Variants in SDK2 observed in about 807,000 individuals in gnomAD.
The protein encoded by SDK2 is protein sidekick-2.
In SDK2, 105 loss-of-function variants were observed where a neutral mutation model predicts 253.9. That is an observed-to-expected ratio of 0.41 (90% confidence interval 0.35 to 0.49). The LOEUF is 0.49. Among genes scored for constraint, SDK2 ranks in the 20% least tolerant of loss-of-function variants. The pLI is 0.06. For missense variants in SDK2, 2,608 were observed against 3,003.0 expected (o/e 0.87, Z 3.07); for synonymous variants, 1,249 against 1,234.9 (o/e 1.01, Z -0.24).
intron 1 of SDK2, chr17:73,519,614 G>A (rs2064059656): frequency 6.6e-6 from 1 of 152,172 alleles, no homozygotes; most frequent in Admixed American, 6.5e-5. Context: ...AGTGCTATGA[G>A]GACTTCTCTT....
rs2046248216 is a variant in SDK2, at chr17:73,629,997, C to T, written c.64+14028G>A. ...AATGAGTGCTGGTCAATACCAACCCCCCACCAGGTGCAAGGCCATCACCAC... is the reference window on the plus strand; with the variant it reads ...AATGAGTGCTGGTCAATACCAACCCTCCACCAGGTGCAAGGCCATCACCAC... On this transcript the variant is annotated intron_variant, in intron 1 of 44. Transcript: ENST00000392650. The surrounding 1 kb of genome is among the most constrained non-coding windows in gnomAD (Gnocchi z 5.0). Among the ~76,000 whole-genome samples the T allele has an allele frequency of 6.6e-6, 1 of 152,110 alleles. No individual in the cohort carries two copies. Among genetic ancestry groups the T allele is most frequent in the Non-Finnish European group, 1.5e-5 (1 of 68,016 alleles).
intron 18 of SDK2, among the ~76,000 whole-genome samples, chr17:73,406,100 T>G (rs1023535708): frequency 2.0e-5 from 3 of 152,150 alleles, no homozygotes; most frequent in Admixed American, 6.5e-5. Context: ...AAATAGTTGT[T>G]ATACTGTATT....
In SDK2 at chr17:73,395,238, T is replaced by G. The variant is rs1307887797; in HGVS notation, c.3509A>C (p.Glu1170Ala). Residue 1170 changes from glutamate to alanine, a missense_variant, in exon 25 of 45, where the codon GAG becomes GCG. Around this residue, in one of 2 missense-constraint regions of SDK2, gnomAD observed 1,505 missense variants for 1,859.1 expected, o/e 0.81. Coordinates refer to ENST00000392650, the MANE Select transcript of SDK2 (RefSeq NM_001144952.2). The surrounding 1 kb of genome is among the most constrained non-coding windows in gnomAD (Gnocchi z 4.3). ...YTIEDLEEWTEYRVQVQAFNA... is the reference protein window; with the variant it reads ...YTIEDLEEWTAYRVQVQAFNA... The stretch of plus-strand genomic sequence containing the variant: ...GAAGGCCTGGACCTGGACGCGGTAC[T>G]CTGTCCACTCCTCCAGGTCCTCGAT... The G allele has an allele frequency of 9.9e-6, 16 of 1,613,512 alleles. No individual in the cohort carries two copies. The highest frequency in any genetic ancestry group is 1.3e-5 in the African/African-American group (1 of 74,902).
At position 73,440,807 on chromosome 17, in the gene SDK2, C is replaced by T; in HGVS notation, c.725+5G>A. The T allele has an allele frequency of 1.9e-6, 3 of 1,547,178 alleles. No homozygotes were observed. Among genetic ancestry groups the T allele is most frequent in the Non-Finnish European group, 2.6e-6 (3 of 1,142,964 alleles). ...TGCGGGAGCGAGGGAAGATGCACTA[C>T]CTACCTGGCATTGGCCACACACTCC... is the stretch of plus-strand genomic sequence containing the variant. On this transcript the variant is annotated splice_donor_5th_base_variant and intron_variant, in intron 6 of 44. Coordinates refer to ENST00000392650, the MANE Select transcript of SDK2 (RefSeq NM_001144952.2).
chr17:73,403,050 C>T (rs867269761), intron 18 of SDK2, among the ~76,000 whole-genome samples: 7 of 152,106 alleles, frequency 4.6e-5, no homozygotes, highest in African/African-American at 7.2e-5. Context: ...CCGCCCGCCT[C>T]GGCCTCCCAA....
In SDK2 at chr17:73,352,338, C is replaced by T. The variant is rs991393910; in HGVS notation, c.5758+135G>A. 2.4e-5 allele frequency: 27 copies of T among 1,146,106 alleles called. No individual in the cohort carries two copies. In the Admixed American group the frequency reaches 3.3e-4, roughly 14 times the overall value. The allele number at this position is 1,146,106 out of a possible 1,614,324, so 71.0% of individuals were successfully genotyped here. A position where few individuals can be genotyped will look rare whatever the true frequency, so the allele number is the denominator to read the frequency against. On this transcript the variant is annotated intron_variant, in intron 41 of 44. Coordinates refer to ENST00000392650, the MANE Select transcript of SDK2 (RefSeq NM_001144952.2). The surrounding 1 kb of genome is among the most constrained non-coding windows in gnomAD (Gnocchi z 4.1). ...ACCAGCACTTGCCTCTTCACAGCCC[C>T]GAGGGGACAATGTGTTTTTGTTCCC...
rs1351066727 is a variant in SDK2 at position 73,401,000 on chromosome 17, C to T, written c.2971+20G>A. 6.4e-7 allele frequency: 1 copy of T among 1,556,914 alleles called. No homozygotes were observed. Among genetic ancestry groups the T allele is most frequent in the South Asian group, 1.2e-5 (1 of 84,240 alleles). ...GCTCAGGAGAACTCAAAGAGTCCTG[C>T]CTTGAGAGTGGGCACTTACCTGGGG... On this transcript the variant is annotated intron_variant, in intron 21 of 44. Coordinates refer to ENST00000392650, the MANE Select transcript of SDK2 (RefSeq NM_001144952.2).
At chr17:73,546,353 C>A (rs1191165175) in intron 1 of SDK2, among the ~76,000 whole-genome samples, 1 of 152,250 alleles carries the variant, frequency 6.6e-6, no homozygotes, top group Non-Finnish European at 1.5e-5. Context: ...TTAATAGGCA[C>A]TTTTGCTCTG....
intron 33 of SDK2, among the ~76,000 whole-genome samples, chr17:73,382,218 C>CA (rs34453546): frequency 5.4e-4 from 69 of 126,694 alleles, no homozygotes; most frequent in East Asian, 2.3e-3. Flanking sequence ...AACTCCATTT[C>CA]AAAAAAAAAA....
intron 2 of SDK2, among the ~76,000 whole-genome samples, chr17:73,492,543 G>A (rs1599617711): frequency 6.6e-6 from 1 of 152,130 alleles, no homozygotes; most frequent in East Asian, 1.9e-4. Context: ...CCCCTCCTAT[G>A]CCTTCTGTTT....
At chr17:73,450,844 C>T (rs1157981946) in intron 4 of SDK2, among the ~76,000 whole-genome samples, 1 of 152,146 alleles carries the variant, frequency 6.6e-6, no homozygotes, top group Non-Finnish European at 1.5e-5. Context: ...ACAGGAAGGC[C>T]CTCACAGGGA....
intron 17 of SDK2, among the ~76,000 whole-genome samples, 156 bp from the exon 18 acceptor site, chr17:73,414,915 C>A (rs1177971035): frequency 3.3e-5 from 5 of 151,990 alleles, no homozygotes; most frequent in African/African-American, 9.7e-5. Flanking sequence ...ACTTAAGAGG[C>A]CTTCATATTC....
In SDK2 at chr17:73,642,105, G is replaced by A. The variant is rs188709537; in HGVS notation, c.64+1920C>T. Among the ~76,000 whole-genome samples the A allele has an allele frequency of 3.0e-3, 457 of 152,322 alleles. 3 individuals carry two copies. The highest frequency in any genetic ancestry group is 0.01 in the African/African-American group (427 of 41,574). On this transcript the variant is annotated intron_variant, in intron 1 of 44. Transcript: ENST00000392650. This position sits in a 1 kb window ranked among gnomAD's most constrained non-coding sequence, Gnocchi z 4.7. ...TGCTTCTGACAGGGAAGCCCCTCCC[G>A]CAGGAGGCGCAGGGACAGGGGGCCA...
Position 73,447,540 on chromosome 17 carries a change from A to C in SDK2, c.613+75T>G. On this transcript the variant is annotated intron_variant, in intron 5 of 44. Transcript: ENST00000392650. This position sits in a 1 kb window ranked among gnomAD's most constrained non-coding sequence, Gnocchi z 4.0. ...CCCTCCTCTGCCACTCCATCTTCCC[A>C]ATGATCCCCTGGAGCACCATTGCTA... 2 of 1,529,456 alleles carry C rather than the reference A, an allele frequency of 1.3e-6. No homozygotes were observed. 94.7% of individuals were successfully genotyped at this position (1,529,456 alleles called of 1,614,324 possible).
At chr17:73,556,965 T>C (rs1251613365) in intron 1 of SDK2, among the ~76,000 whole-genome samples, 1 of 152,182 alleles carries the variant, frequency 6.6e-6, no homozygotes, top group Non-Finnish European at 1.5e-5. Context: ...ATTACTGAGA[T>C]TGGAAACAAA....
Position 73,618,948 on chromosome 17 carries a change from C to T in SDK2, c.64+25077G>A, listed in dbSNP as rs1322684751. On this transcript the variant is annotated intron_variant, in intron 1 of 44. Transcript: ENST00000392650. This position sits in a 1 kb window ranked among gnomAD's most constrained non-coding sequence, Gnocchi z 4.1. ...TTGGGAGGCCAAGGCGGGTGGATCACTTGAGGTCAGGAGTTTGAGACTGGC... is the reference window on the plus strand; with the variant it reads ...TTGGGAGGCCAAGGCGGGTGGATCATTTGAGGTCAGGAGTTTGAGACTGGC... 6.6e-6 allele frequency among the ~76,000 whole-genome samples: 1 copy of T among 152,170 alleles called. No homozygotes were observed.
rs1050508620 is a variant in SDK2, at chr17:73,644,380, A to C, written c.-292T>G. 6.6e-6 allele frequency among the ~76,000 whole-genome samples: 1 copy of C among 151,818 alleles called. No individual in the cohort carries two copies. Among genetic ancestry groups the C allele is most frequent in the African/African-American group, 2.4e-5 (1 of 41,334 alleles). On this transcript the variant is annotated 5_prime_UTR_variant, in exon 1 of 45. Coordinates refer to ENST00000392650, the MANE Select transcript of SDK2 (RefSeq NM_001144952.2). This position sits in a 1 kb window ranked among gnomAD's most constrained non-coding sequence, Gnocchi z 6.3. Reference sequence around the variant, plus strand: ...GGCGCCTCTCTCCCTTAGCACCCCAACTCCGACTTCTCCCAAACAGGGCGG... The same window carrying C: ...GGCGCCTCTCTCCCTTAGCACCCCACCTCCGACTTCTCCCAAACAGGGCGG...
intron 12 of SDK2, among the ~76,000 whole-genome samples, chr17:73,426,321 C>T (rs1281878828): frequency 2.0e-5 from 3 of 149,842 alleles, no homozygotes; most frequent in African/African-American, 7.4e-5. Flanking sequence ...CCTGCCTCTG[C>T]CGCCCAAAGT....
At chr17:73,498,224 C>A (rs1239167317) in intron 2 of SDK2, among the ~76,000 whole-genome samples, 1 of 152,192 alleles carries the variant, frequency 6.6e-6, no homozygotes, top group Non-Finnish European at 1.5e-5. Context: ...GACACGAGCA[C>A]CTCCTTCTCT....
Sources: gnomAD v4.1 joint callset for allele counts (sites outside exome capture counted in the v4.1 genomes callset) on GRCh38, gnomAD v4.1.1 for gene constraint, gnomAD v4.1.1 regional missense constraint, Gnocchi (gnomAD v3.1) non-coding constraint, MANE v1.5 for transcripts, NCBI Gene and HGNC (gene_info 2026-07-23, HGNC 2026-07-21) for gene names.